The following TFDP2 variants were observed in gnomAD, a reference collection of about 807,000 sequenced individuals.
The protein encoded by TFDP2 is transcription factor Dp-2.
A neutral mutation model predicts 59.3 loss-of-function variants in TFDP2; 17 were observed. That is an observed-to-expected ratio of 0.29 (90% CI 0.20 to 0.43). The LOEUF is 0.43. TFDP2 is among the 20% of genes least tolerant of loss of function. TFDP2 has a pLI of 1.00. For missense variants in TFDP2, 391 were observed against 528.8 expected, an observed-to-expected ratio of 0.74 and a Z score of 2.56; for synonymous variants, 180 against 194.7, an observed-to-expected ratio of 0.92 and a Z score of 0.63.
chr3:142,107,056 A>T (rs1180195062), intron 1 of TFDP2, among the ~76,000 whole-genome samples: 1 of 152,192 alleles, frequency 6.6e-6, no homozygotes, highest in African/African-American at 2.4e-5. Context: ...ATACATGCTC[A>T]TGACTCATAA....
chr3:142,013,066 G>A (rs1944846758), intron 3 of TFDP2, among the ~76,000 whole-genome samples: 1 of 152,118 alleles, frequency 6.6e-6, no homozygotes, highest in Admixed American at 6.5e-5. Context: ...GAACCCGGGA[G>A]GCGGAGGTTG....
chr3:142,094,305 CTTT>C (rs34185822), intron 2 of TFDP2, among the ~76,000 whole-genome samples: 2 of 138,732 alleles, frequency 1.4e-5, no homozygotes, highest in East Asian at 4.2e-4. Context: ...TCAAACTGTA[CTTT>C]TTTTTTTTTT....
intron 7 of TFDP2, among the ~76,000 whole-genome samples, chr3:141,977,101 T>TAGATAGATAGATAGATAGATAGATAGATG (rs1940761026): frequency 2.0e-5 from 2 of 99,836 alleles, no homozygotes; most frequent in Non-Finnish European, 4.1e-5. Context: ...TATATATATA[T>TAGATAGATAGATAGATAGATAGATAGATG]ATATATTTTT....
At chr3:142,076,699 T>G (rs1358674335) in intron 3 of TFDP2, among the ~76,000 whole-genome samples, 2 of 152,226 alleles carry the variant, frequency 1.3e-5, no homozygotes, top group Non-Finnish European at 2.9e-5. Flanking sequence ...ATTCTAAGAT[T>G]ATGACTTAAC....
intron 3 of TFDP2, among the ~76,000 whole-genome samples, chr3:142,084,612 T>A (rs1306027713): frequency 6.6e-6 from 1 of 152,114 alleles, no homozygotes; most frequent in Non-Finnish European, 1.5e-5. Context: ...GAAAATGTGG[T>A]ACATGTACAC....
At chr3:142,036,381 A>T (rs1176646145) in intron 3 of TFDP2, among the ~76,000 whole-genome samples, 1 of 152,224 alleles carries the variant, frequency 6.6e-6, no homozygotes, top group African/African-American at 2.4e-5. Context: ...CTCCTTAGTT[A>T]AGATATTCAC....
chr3:141,999,758 C>A (rs1378157505), intron 4 of TFDP2, among the ~76,000 whole-genome samples: 1 of 145,472 alleles, frequency 6.9e-6, no homozygotes, highest in Admixed American at 7.0e-5. Flanking sequence ...TTTTTTGAGA[C>A]GGAGTCTGGC....
intron 3 of TFDP2, among the ~76,000 whole-genome samples, chr3:142,012,202 C>T (rs1204978467): frequency 1.3e-5 from 2 of 151,896 alleles, no homozygotes; most frequent in African/African-American, 2.4e-5. Context: ...TTAGTAGAGA[C>T]GGGGTTTCAC....
chr3:141,986,973 T>C (rs1350857666), intron 6 of TFDP2, among the ~76,000 whole-genome samples: 2 of 152,256 alleles, frequency 1.3e-5, no homozygotes, highest in Non-Finnish European at 2.9e-5. Context: ...TTCATTTTTA[T>C]ATGCCCTTAT....
intron 2 of TFDP2, among the ~76,000 whole-genome samples, chr3:142,100,714 G>A (rs1346494312): frequency 6.6e-6 from 1 of 152,046 alleles, no homozygotes; most frequent in Non-Finnish European, 1.5e-5. Context: ...GAACAGGCTG[G>A]TCCCCTAACA....
At chr3:142,057,671 C>T (rs1279030354) in intron 3 of TFDP2, among the ~76,000 whole-genome samples, 2 of 152,136 alleles carry the variant, frequency 1.3e-5, no homozygotes, top group Non-Finnish European at 2.9e-5. Flanking sequence ...GTAAAAGTGA[C>T]TGCATTTCAA....
Position 142,040,591 on chromosome 3 carries a change from C to T in TFDP2, c.83-35047G>A, listed in dbSNP as rs1435541611. The stretch of plus-strand genomic sequence containing the variant: ...TACAGGCAGGCATTGCCACCATGCC[C>T]GGCTAATTTTGTATTTTTAGTAGAG... On this transcript the variant is annotated intron_variant, in intron 3 of 12. Transcript: ENST00000489671. Among the ~76,000 whole-genome samples, 6 of 152,256 alleles carry T rather than the reference C, an allele frequency of 3.9e-5. No individual in the cohort carries two copies. The South Asian group carries it at 8.3e-4, about 21-fold the overall frequency.
At chr3:142,093,901 T>C in intron 2 of TFDP2, 2 of 475,524 alleles carry the variant, frequency 4.2e-6, no homozygotes, top group Non-Finnish European at 8.3e-6. Flanking sequence ...ATAATTCATG[T>C]AAAGCATATA....
chr3:142,074,668 A>G (rs999319943), intron 3 of TFDP2, among the ~76,000 whole-genome samples: 3 of 151,848 alleles, frequency 2.0e-5, no homozygotes, highest in Non-Finnish European at 4.4e-5. Flanking sequence ...CCTGAACAAC[A>G]TGGTGAAACC....
intron 3 of TFDP2, among the ~76,000 whole-genome samples, chr3:142,077,853 G>A (rs540915374): frequency 2.0e-5 from 3 of 152,208 alleles, no homozygotes; most frequent in Non-Finnish European, 4.4e-5. Flanking sequence ...GCCACCAGCT[G>A]AGGTAGAGCA....
At chr3:142,134,331 A>G (rs2062637300) in intron 1 of TFDP2, among the ~76,000 whole-genome samples, 1 of 148,878 alleles carries the variant, frequency 6.7e-6, no homozygotes, top group African/African-American at 2.5e-5. Context: ...CCTGGGCAAC[A>G]GAGCGAGACC....
chr3:142,075,566 TCCCTCTCTAC>T (rs2060415081), intron 3 of TFDP2, among the ~76,000 whole-genome samples: 1 of 151,936 alleles, frequency 6.6e-6, no homozygotes, highest in African/African-American at 2.4e-5. Flanking sequence ...ACTCTGTTAG[TCCCTCTCTAC>T]TGCTTTGAGA....
chr3:142,026,250 G>C (rs768269035), intron 3 of TFDP2, among the ~76,000 whole-genome samples: 1 of 152,094 alleles, frequency 6.6e-6, no homozygotes, highest in Non-Finnish European at 1.5e-5. Context: ...AGCTACTGGG[G>C]AGGCTGAGGC....
rs144528661 is a variant in TFDP2, at chr3:142,136,999, A to G, written c.-93+12184T>C. On this transcript the variant is annotated intron_variant, in intron 1 of 12. Coordinates refer to ENST00000489671, the MANE Select transcript of TFDP2 (RefSeq NM_001178139.2). ...TGGGCAATATAACCATTTTCACAAT[A>G]TTGATTCTTCCTATCCATGAGCATA... Among the ~76,000 whole-genome samples, 404 of 152,208 alleles carry G rather than the reference A, an allele frequency of 2.7e-3. 2 individuals carry two copies. Among genetic ancestry groups the G allele is most frequent in the African/African-American group, 6.2e-3 (258 of 41,576 alleles).
Sources: allele counts gnomAD v4.1 joint callset (sites outside exome capture counted in the v4.1 genomes callset), GRCh38; gene constraint gnomAD v4.1.1; transcripts MANE v1.5; gene names NCBI Gene and HGNC (gene_info 2026-07-23, HGNC 2026-07-21).